ARID1B: variants seen among roughly 807,000 people sequenced by gnomAD.
The protein encoded by ARID1B is AT-rich interaction domain 1B, also known as AT-rich interactive domain-containing protein 1B.
A neutral mutation model predicts 212.3 loss-of-function variants in ARID1B; 30 were observed. The observed-to-expected ratio is 0.14, with a 90% CI of 0.11 to 0.19. The LOEUF (loss-of-function observed/expected upper bound fraction) is 0.19. ARID1B is among the 10% of genes least tolerant of loss of function. ARID1B has a pLI of 1.00. For synonymous variants in ARID1B, 1,402 were observed against 1,301.7 expected (o/e 1.08, Z -1.66); for missense variants, 2,891 against 3,204.0 (o/e 0.90, Z 2.36).
At position 157,004,897 on chromosome 6, in the gene ARID1B, C is replaced by CTTTTTTTTTTTTTTT. The variant is rs1177807875; in HGVS notation, c.2247+69341_2247+69355dup. Among the ~76,000 whole-genome samples, 31 of 54,726 alleles carry CTTTTTTTTTTTTTTT rather than the reference C, an allele frequency of 5.7e-4. 1 individual carries two copies. The highest frequency in any genetic ancestry group is 1.3e-3 in the South Asian group (3 of 2,248). 35.9% of individuals were successfully genotyped at this position (54,726 alleles called of 152,430 possible). A position where few individuals can be genotyped will look rare whatever the true frequency, so the allele number is the denominator to read the frequency against. On this transcript the variant is annotated intron_variant, in intron 4 of 19. Transcript: ENST00000636930. ...TTTTTTCTTTTTCTTCTTCTTTTTTCTTTTTTTTTTTTTTTTTTTTTTTTT... is the reference window on the plus strand; with the variant it reads ...TTTTTTCTTTTTCTTCTTCTTTTTTCTTTTTTTTTTTTTTTTTTTTTTTTTTTTTTTTTTTTTTTT...
intron 4 of ARID1B, among the ~76,000 whole-genome samples, chr6:156,972,473 ATTTAT>A (rs752867416): frequency 2.4e-4 from 36 of 152,080 alleles, no homozygotes; most frequent in Non-Finnish European, 4.4e-4. Context: ...TATTAAGAAT[ATTTAT>A]TTTAATTGGA....
chr6:157,036,846 G>A, intron 4 of ARID1B: 1 of 501,614 alleles, frequency 2.0e-6, no homozygotes. Flanking sequence ...TTGAAGTCTT[G>A]GCCTCGGAGG....
intron 4 of ARID1B, among the ~76,000 whole-genome samples, chr6:156,993,891 G>A (rs1778422816): frequency 6.6e-6 from 1 of 152,126 alleles, no homozygotes; most frequent in South Asian, 2.1e-4. Flanking sequence ...TAAAATATAT[G>A]TCTATCAAAC....
At chr6:157,126,543 A>T (rs1419797266) in intron 6 of ARID1B, among the ~76,000 whole-genome samples, 1 of 152,192 alleles carries the variant, frequency 6.6e-6, no homozygotes, top group African/African-American at 2.4e-5. Context: ...ATGAGCATAC[A>T]GCGCAGGACT....
At chr6:157,171,039 T>A (rs1791685436) in intron 9 of ARID1B, among the ~76,000 whole-genome samples, 1 of 152,234 alleles carries the variant, frequency 6.6e-6, no homozygotes, top group Admixed American at 6.5e-5. Flanking sequence ...CTGGAAATGA[T>A]TTTGCAGACT....
chr6:156,874,070 TTTTG>T (rs1311638844), intron 2 of ARID1B, among the ~76,000 whole-genome samples: 9 of 152,180 alleles, frequency 5.9e-5, no homozygotes, highest in Admixed American at 4.6e-4. Context: ...TGTTTAGGTT[TTTTG>T]TTTGTTTGTT....
chr6:157,182,890 G>A (rs1467692043), intron 12 of ARID1B, among the ~76,000 whole-genome samples: 1 of 152,042 alleles, frequency 6.6e-6, no homozygotes, highest in East Asian at 1.9e-4. Flanking sequence ...CCTGCACCTA[G>A]CCTCTTCTGA....
Position 157,206,354 on chromosome 6 carries a change from T to C in ARID1B, c.5582T>C (p.Ile1861Thr). The C allele has an allele frequency of 6.2e-7, 1 of 1,614,098 alleles. No individual in the cohort carries two copies. Among genetic ancestry groups the C allele is most frequent in the Non-Finnish European group, 8.5e-7 (1 of 1,180,036 alleles). Reference sequence around the variant, plus strand: ...AAAGAGGAGGAAGATGCTGAATGTATTGATGACGACGAGGAAGACGAGGAG... The same window carrying C: ...AAAGAGGAGGAAGATGCTGAATGTACTGATGACGACGAGGAAGACGAGGAG... ...SGKEEEDAEC[I>T]DDDEEDEEDE... The change falls in exon 20 of 20, where the codon ATT (isoleucine) becomes ACT (threonine). Residue 1861 changes from isoleucine (I) to threonine (T), a missense_variant. Transcript: ENST00000636930. This position sits in a 1 kb window ranked among gnomAD's most constrained non-coding sequence, Gnocchi z 6.8.
At chr6:157,085,059 T>C (rs1346449295) in intron 5 of ARID1B, among the ~76,000 whole-genome samples, 154 bp downstream of exon 5, 1 of 152,216 alleles carries the variant, frequency 6.6e-6, no homozygotes, top group Non-Finnish European at 1.5e-5. Context: ...AGAGTCCCAG[T>C]TCCTAAAGAT....
chr6:156,883,985 A>T (rs1171286079), intron 2 of ARID1B, among the ~76,000 whole-genome samples: 2 of 152,114 alleles, frequency 1.3e-5, no homozygotes, highest in African/African-American at 4.8e-5. Flanking sequence ...ATCACTTGGA[A>T]CTGTTTTCTT....
rs77649812 is a variant in ARID1B, at chr6:157,077,484, G to A, written c.2248-7178G>A. 2.2e-4 allele frequency among the ~76,000 whole-genome samples: 34 copies of A among 152,246 alleles called. No individual in the cohort carries two copies. In the East Asian group the frequency reaches 6.4e-3, roughly 29 times the overall value. ...CTCCTGGGCATCCCAAGTGCCGCCT[G>A]TGCCGAAATGAGCATGCCCTCCCCT... On this transcript the variant is annotated intron_variant, in intron 4 of 19. Coordinates refer to ENST00000636930, the MANE Select transcript of ARID1B (RefSeq NM_001374828.1).
chr6:157,038,352 A>G (rs1411509459), intron 4 of ARID1B, among the ~76,000 whole-genome samples: 1 of 152,072 alleles, frequency 6.6e-6, no homozygotes, highest in Non-Finnish European at 1.5e-5. Context: ...ATATATACAT[A>G]TATATATTTT....
intron 6 of ARID1B, among the ~76,000 whole-genome samples, chr6:157,127,011 AGTCTTAGTT>A (rs1788180199): frequency 6.6e-6 from 1 of 152,222 alleles, no homozygotes; most frequent in Non-Finnish European, 1.5e-5. Flanking sequence ...TAGGAAGAAA[AGTCTTAGTT>A]GAAATCTGAT....
chr6:156,813,421 G>T (rs1781754747), intron 1 of ARID1B, among the ~76,000 whole-genome samples: 1 of 152,020 alleles, frequency 6.6e-6, no homozygotes, highest in Admixed American at 6.6e-5. Flanking sequence ...GCTATCCTGG[G>T]TGTGTATTTT....
At chr6:156,908,331 C>G (rs1266332115) in intron 3 of ARID1B, among the ~76,000 whole-genome samples, 1 of 152,172 alleles carries the variant, frequency 6.6e-6, no homozygotes, top group Admixed American at 6.5e-5. Context: ...AATTTTTCAA[C>G]TTTATTAACA....
chr6:157,036,244 G>A (rs1781320285), intron 4 of ARID1B: 1 of 152,296 alleles, frequency 6.6e-6, no homozygotes. Flanking sequence ...ATGTTAATGA[G>A]CTCTGTCTTC....
intron 1 of ARID1B, among the ~76,000 whole-genome samples, chr6:156,809,564 A>AC (rs1223122756): frequency 6.6e-6 from 1 of 152,082 alleles, no homozygotes; most frequent in Non-Finnish European, 1.5e-5. Flanking sequence ...TTTTAGAGAA[A>AC]CCCAGTCAGA....
intron 4 of ARID1B, among the ~76,000 whole-genome samples, chr6:156,976,041 CG>C (rs1273118910): frequency 1.3e-5 from 2 of 150,916 alleles, no homozygotes; most frequent in African/African-American, 4.9e-5. Context: ...TTCACAAGGA[CG>C]GGGGAATATC....
At chr6:157,028,560 TGGTC>T (rs1322928944) in intron 4 of ARID1B, among the ~76,000 whole-genome samples, 1 of 152,260 alleles carries the variant, frequency 6.6e-6, no homozygotes, top group Non-Finnish European at 1.5e-5. Context: ...AACTATATTT[TGGTC>T]TATATTGTTC....
Sources: gnomAD v4.1 joint callset for allele counts (sites outside exome capture counted in the v4.1 genomes callset) on GRCh38, gnomAD v4.1.1 for gene constraint, Gnocchi (gnomAD v3.1) non-coding constraint, MANE v1.5 for transcripts, NCBI Gene and HGNC (gene_info 2026-07-23, HGNC 2026-07-21) for gene names.